The following ZFHX2 variants were observed in gnomAD, a reference collection of about 807,000 sequenced individuals.
ZFHX2 encodes zinc finger homeobox protein 2.
In ZFHX2, 75 loss-of-function variants were observed where a neutral mutation model predicts 164.8. That is an observed-to-expected ratio of 0.46 (90% CI 0.38 to 0.55). The LOEUF is 0.55. ZFHX2 is among the 20% of genes least tolerant of loss of function. The probability of loss-of-function intolerance (pLI) is 0.00; values close to 1 mark genes in which losing one functional copy is unlikely to be tolerated. For missense variants in ZFHX2, 2,933 were observed against 3,308.0 expected (o/e 0.89, Z 2.78); for synonymous variants, 1,217 against 1,351.4 (o/e 0.90, Z 2.18).
chr14:23,530,691 A>G, intron 4 of ZFHX2: 1 of 342,130 alleles, frequency 2.9e-6, no homozygotes, highest in Non-Finnish European at 5.7e-6. Context: ...TTAAAGTGTT[A>G]AAGTTCCTTA....
Position 23,534,279 on chromosome 14 carries a change from G to A in ZFHX2, c.1047C>T (p.Pro349=), listed in dbSNP as rs1395887239. 6.5e-7 allele frequency: 1 copy of A among 1,531,906 alleles called. No homozygotes were observed. The highest frequency in any genetic ancestry group is 8.7e-7 in the Non-Finnish European group (1 of 1,143,724). The allele number at this position is 1,531,906 out of a possible 1,614,324, so 94.9% of individuals were successfully genotyped here. Residue 349 remains proline (P), a synonymous_variant, in exon 2 of 10, where the codon CCC becomes CCT. Coordinates refer to ENST00000419474, the MANE Select transcript of ZFHX2 (RefSeq NM_033400.3). The surrounding 1 kb of genome is among the most constrained non-coding windows in gnomAD (Gnocchi z 4.5). ...TTGGGCTGGGGTCCCAGGTGGCTGT[G>A]GGTGGAGAGGGTGGGCTGAGGGCCA... ...EVMALSPPSP[P]TATWDPSPTQ...
intron 3 of ZFHX2, 185 bp downstream of exon 3, chr14:23,532,382 C>G (rs753098186): frequency 1.5e-6 from 1 of 680,454 alleles, no homozygotes; most frequent in Non-Finnish European, 2.2e-6. Context: ...AGTTTACTAT[C>G]CTTTGGTCTC....
Position 23,522,097 on chromosome 14 carries a change from C to G in ZFHX2, c.7584G>C (p.Gly2528=). The change falls in exon 10 of 10, where the codon GGG becomes GGC. Residue 2528 remains glycine (G), a synonymous_variant. Transcript: ENST00000419474. ...AHRRKAAPPQ[G]GPPISITNAA... ...CGTTGGTGATGGAGATGGGTGGGCC[C>G]CCTTGAGGTGGGGCTGCCTTGCGCC... is the stretch of plus-strand genomic sequence containing the variant. The G allele has an allele frequency of 6.5e-7, 1 of 1,535,674 alleles. No individual in the cohort carries two copies. The highest frequency in any genetic ancestry group is 2.4e-5 in the East Asian group (1 of 40,922).
Position 23,546,578 on chromosome 14 carries a change from GTTAC to G in ZFHX2, c.-50+4761_-50+4764del. Reference sequence around the variant, plus strand: ...ATGGGATTACCCTACGGGGCTGGAAGTTACTTCTAAATCTTTCACCCCTGCCTTG... The same window carrying G: ...ATGGGATTACCCTACGGGGCTGGAAGTTCTAAATCTTTCACCCCTGCCTTG... On this transcript the variant is annotated intron_variant, in intron 1 of 9. Coordinates refer to ENST00000419474, the MANE Select transcript of ZFHX2 (RefSeq NM_033400.3). This position sits in a 1 kb window ranked among gnomAD's most constrained non-coding sequence, Gnocchi z 4.7. 6.6e-6 allele frequency among the ~76,000 whole-genome samples: 1 copy of G among 152,184 alleles called. No homozygotes were observed. Among genetic ancestry groups the G allele is most frequent in the East Asian group, 1.9e-4 (1 of 5,164 alleles).
chr14:23,542,490 A>G (rs1880926670), intron 1 of ZFHX2, among the ~76,000 whole-genome samples: 1 of 152,144 alleles, frequency 6.6e-6, no homozygotes, highest in Non-Finnish European at 1.5e-5. Context: ...ATGTGTTAGG[A>G]CAGCAGTGTG....
chr14:23,530,257 G>T, intron 4 of ZFHX2, 63 bp from the exon 5 acceptor site: 1 of 1,260,066 alleles, frequency 7.9e-7, no homozygotes, highest in Non-Finnish European at 1.1e-6. Flanking sequence ...GAGGACATAG[G>T]ACAGAGGAAG....
At chr14:23,555,191 G>A (rs1288568838), upstream of ZFHX2, among the ~76,000 whole-genome samples, 1 of 152,062 alleles carries the variant, frequency 6.6e-6, no homozygotes. Flanking sequence ...GGCCGGGGGG[G>A]TTTCTCCATG....
At chr14:23,547,410 G>C (rs2138912842) in intron 1 of ZFHX2, among the ~76,000 whole-genome samples, 1 of 152,342 alleles carries the variant, frequency 6.6e-6, no homozygotes, top group South Asian at 2.1e-4. Context: ...ATGGGGTGGG[G>C]ATGCTACTTT....
chr14:23,535,514 T>G lies in ZFHX2; in HGVS notation c.-49-140A>C. 3 of 512,886 alleles carry G rather than the reference T, an allele frequency of 5.8e-6. No individual in the cohort carries two copies. The highest frequency in any genetic ancestry group is 9.4e-6 in the Non-Finnish European group (3 of 319,850). The allele number at this position is 512,886 out of a possible 1,614,324, so 31.8% of individuals were successfully genotyped here. The stretch of plus-strand genomic sequence containing the variant: ...CACTTTGCTAACCTGAAATTTCACT[T>G]AGTGTCTAACATGCTTCAAAACTTA... On this transcript the variant is annotated intron_variant, in intron 1 of 9. Coordinates refer to ENST00000419474, the MANE Select transcript of ZFHX2 (RefSeq NM_033400.3). The surrounding 1 kb of genome is among the most constrained non-coding windows in gnomAD (Gnocchi z 4.5).
At position 23,522,817 on chromosome 14, in the gene ZFHX2, G is replaced by A. The variant is rs1479196981; in HGVS notation, c.6864C>T (p.Thr2288=). 3 of 1,535,830 alleles carry A rather than the reference G, an allele frequency of 2.0e-6. No individual in the cohort carries two copies. The highest frequency in any genetic ancestry group is 3.9e-5 in the Admixed American group (2 of 50,958). The change falls in exon 10 of 10, where the codon ACC becomes ACT. Residue 2288 remains threonine, a synonymous_variant. Coordinates refer to ENST00000419474, the MANE Select transcript of ZFHX2 (RefSeq NM_033400.3). Reference sequence around the variant, plus strand: ...CAGGGTCAGTGGTGCCTGCTGTGGAGGTGTTGGTTTGGTCGGGCATGGGTC... The same window carrying A: ...CAGGGTCAGTGGTGCCTGCTGTGGAAGTGTTGGTTTGGTCGGGCATGGGTC... The part of the protein sequence containing the change: ...PQRPMPDQTN[T]STAGTTDPVP...
Position 23,533,698 on chromosome 14 carries a change from G to T in ZFHX2, c.1628C>A (p.Pro543His). 6.5e-7 allele frequency: 1 copy of T among 1,540,550 alleles called. No homozygotes were observed. Among genetic ancestry groups the T allele is most frequent in the Non-Finnish European group, 8.7e-7 (1 of 1,149,140 alleles). ...LANLQGFQAG[P>H]GGQGSPPEAS... is the part of the protein sequence containing the mutation. Reference sequence around the variant, plus strand: ...CTCTGGTGGACTTCCCTGCCCACCAGGGCCCGCCTGGAAGCCCTGTAGGTT... The same window carrying T: ...CTCTGGTGGACTTCCCTGCCCACCATGGCCCGCCTGGAAGCCCTGTAGGTT... The change falls in exon 2 of 10, where the codon CCT becomes CAT. Residue 543 changes from proline to histidine, a missense_variant. Coordinates refer to ENST00000419474, the MANE Select transcript of ZFHX2 (RefSeq NM_033400.3). The surrounding 1 kb of genome is among the most constrained non-coding windows in gnomAD (Gnocchi z 4.8).
Position 23,546,552 on chromosome 14 carries a change from C to A in ZFHX2, c.-50+4791G>T, listed in dbSNP as rs889650280. Among the ~76,000 whole-genome samples, 1 of 152,038 alleles carries A rather than the reference C, an allele frequency of 6.6e-6. No individual in the cohort carries two copies. The highest frequency in any genetic ancestry group is 1.5e-5 in the Non-Finnish European group (1 of 68,010). The stretch of plus-strand genomic sequence containing the variant: ...CTACATGAGGAAGCCACTGAGAGCC[C>A]ATGGGATTACCCTACGGGGCTGGAA... On this transcript the variant is annotated intron_variant, in intron 1 of 9. Transcript: ENST00000419474. This position sits in a 1 kb window ranked among gnomAD's most constrained non-coding sequence, Gnocchi z 4.7.
In ZFHX2 at chr14:23,525,644, T is replaced by C; in HGVS notation, c.4298A>G (p.Asn1433Ser). The change falls in exon 9 of 10, where the codon AAC becomes AGC. Residue 1433 changes from asparagine to serine, a missense_variant. Physicochemically the swap from Asn to Ser is conservative, Grantham distance 46. Transcript: ENST00000419474. This position sits in a 1 kb window ranked among gnomAD's most constrained non-coding sequence, Gnocchi z 5.9. Reference sequence around the variant, plus strand: ...TTTGGCTGCAGTGCGGGCAGCCTCGTTGGGCAATGGGTCGGGGGGTGAGGA... The same window carrying C: ...TTTGGCTGCAGTGCGGGCAGCCTCGCTGGGCAATGGGTCGGGGGGTGAGGA... ...GPSSPPDPLP[N>S]EAARTAAKAL... 1 of 1,535,848 alleles carries C rather than the reference T, an allele frequency of 6.5e-7. No homozygotes were observed. The highest frequency in any genetic ancestry group is 8.7e-7 in the Non-Finnish European group (1 of 1,146,866).
At chr14:23,551,781 G>T (rs1181244005), upstream of ZFHX2, 1 of 152,464 alleles carries the variant, frequency 6.6e-6, no homozygotes. This position sits in a 1 kb window ranked among gnomAD's most constrained non-coding sequence, Gnocchi z 5.3. Flanking sequence ...ATACCCAGGC[G>T]CCCGGGGCTG....
upstream of ZFHX2, among the ~76,000 whole-genome samples, chr14:23,552,444 C>T (rs1028540388): frequency 1.3e-5 from 2 of 151,990 alleles, no homozygotes; most frequent in Non-Finnish European, 2.9e-5. Context: ...AGGCATGCAT[C>T]AACACACCCA....
chr14:23,523,793 C>G lies in ZFHX2; in HGVS notation c.6149G>C (p.Ser2050Thr). 2.0e-6 allele frequency: 3 copies of G among 1,536,264 alleles called. No homozygotes were observed. Among genetic ancestry groups the G allele is most frequent in the Non-Finnish European group, 2.6e-6 (3 of 1,146,940 alleles). The change falls in exon 9 of 10, where the codon AGT becomes ACT. Residue 2050 changes from serine (S) to threonine (T), a missense_variant. Coordinates refer to ENST00000419474, the MANE Select transcript of ZFHX2 (RefSeq NM_033400.3). The surrounding 1 kb of genome is among the most constrained non-coding windows in gnomAD (Gnocchi z 4.1). ...EPESPGAGGT[S>T]GGPGGGTGVP... ...CCCAGTCCCACCTCCAGGTCCCCCACTGGTCCCTCCAGCCCCAGGGGATTC... is the reference window on the plus strand; with the variant it reads ...CCCAGTCCCACCTCCAGGTCCCCCAGTGGTCCCTCCAGCCCCAGGGGATTC...
chr14:23,526,403 G>A lies in ZFHX2; in HGVS notation c.3539C>T (p.Ala1180Val), dbSNP rs761728671. Reference protein sequence around the residue: ...PLTYRKTTNFALDKFLDPARP... With the variant: ...PLTYRKTTNFVLDKFLDPARP... ...GGCAGGGTCGAGAAACTTGTCCAGG[G>A]CAAAGTTGGTGGTTTTCCGATAGGT... The change falls in exon 9 of 10, where the codon GCC becomes GTC. Residue 1180 changes from alanine to valine, a missense_variant. Coordinates refer to ENST00000419474, the MANE Select transcript of ZFHX2 (RefSeq NM_033400.3). 1.7e-5 allele frequency: 26 copies of A among 1,536,156 alleles called. 1 individual carries two copies. In the South Asian group the frequency reaches 3.0e-4, roughly 18 times the overall value.
intron 3 of ZFHX2, chr14:23,532,366 T>G: frequency 1.7e-6 from 1 of 599,780 alleles, no homozygotes; most frequent in Non-Finnish European, 2.6e-6. Context: ...CTGTTTCACT[T>G]GTCAGAGTTT....
chr14:23,521,854 G>A lies in ZFHX2; in HGVS notation c.*108C>T. 2.7e-6 allele frequency: 4 copies of A among 1,483,440 alleles called. No homozygotes were observed. The highest frequency in any genetic ancestry group is 2.2e-5 in the Admixed American group (1 of 45,194). 91.9% of individuals were successfully genotyped at this position (1,483,440 alleles called of 1,614,324 possible). A position where few individuals can be genotyped will look rare whatever the true frequency, so the allele number is the denominator to read the frequency against. On this transcript the variant is annotated 3_prime_UTR_variant, in exon 10 of 10. Coordinates refer to ENST00000419474, the MANE Select transcript of ZFHX2 (RefSeq NM_033400.3). ...GGGAACTGAACAGTTCCTGTGAGGT[G>A]GGCGGGGCCAGGGGGTGGGGTGAGG...
Sources: gnomAD v4.1 joint callset for allele counts (sites outside exome capture counted in the v4.1 genomes callset) on GRCh38, gnomAD v4.1.1 for gene constraint, Gnocchi (gnomAD v3.1) non-coding constraint, MANE v1.5 for transcripts, NCBI Gene and HGNC (gene_info 2026-07-23, HGNC 2026-07-21) for gene names.